Variants in NOP9 observed in about 807,000 individuals in gnomAD.
The protein encoded by NOP9 is nucleolar protein 9.
NOP9 carries 50 observed loss-of-function variants against 63.0 expected under a neutral mutation model. The ratio of observed to expected loss-of-function variants is 0.79; its 90% CI spans 0.63 to 1.00. The LOEUF (loss-of-function observed/expected upper bound fraction) is 1.00. Ranked by LOEUF, NOP9 falls within the 50% of genes least tolerant of loss-of-function variation. NOP9 has a pLI of 0.00. For synonymous variants in NOP9, 343 were observed against 332.8 expected, an observed-to-expected ratio of 1.03 and a Z score of -0.33; for missense variants, 758 against 803.0, an observed-to-expected ratio of 0.94 and a Z score of 0.68.
chr14:24,287,691 C>T, the NOP9 span, among the ~76,000 whole-genome samples: 1 of 152,092 alleles, frequency 6.6e-6, no homozygotes, highest in Admixed American at 6.5e-5. Flanking sequence ...AACAAACAAA[C>T]AAACAAAAAA....
At chr14:24,283,274 A>G in the NOP9 span, among the ~76,000 whole-genome samples, 4 of 152,190 alleles carry the variant, frequency 2.6e-5, no homozygotes, top group African/African-American at 9.7e-5. Context: ...GCAACTCAAA[A>G]GCATCAGGTC....
chr14:24,296,659 A>T, upstream of NOP9: 1 of 1,613,426 alleles, frequency 6.2e-7, no homozygotes, highest in Non-Finnish European at 8.5e-7. Context: ...AATGGAAGGG[A>T]CAATGAGTGG....
At chr14:24,276,018 G>A in the NOP9 span, among the ~76,000 whole-genome samples, 17 of 152,310 alleles carry the variant, frequency 1.1e-4, no homozygotes, top group South Asian at 4.1e-4. Flanking sequence ...CGCTTGAAAT[G>A]TGCCTAGTGC....
intron 5 of NOP9, 29 bp from the exon 6 acceptor site, chr14:24,303,045 C>T: frequency 6.7e-7 from 1 of 1,500,436 alleles, no homozygotes; most frequent in Non-Finnish European, 8.9e-7. Flanking sequence ...TACCAGAATG[C>T]CAGAGTTACA....
the NOP9 span, chr14:24,290,910 G>GGAA: frequency 6.2e-7 from 1 of 1,613,948 alleles, no homozygotes; most frequent in Non-Finnish European, 8.5e-7. Flanking sequence ...CACGGAGGAA[G>GGAA]GAGGGCAGGT....
chr14:24,277,568 G>C, the NOP9 span, among the ~76,000 whole-genome samples: 1 of 152,212 alleles, frequency 6.6e-6, no homozygotes, highest in Non-Finnish European at 1.5e-5. Context: ...CATAATTAAT[G>C]AGAAATTATA....
chr14:24,278,294 T>C, the NOP9 span, among the ~76,000 whole-genome samples: 3 of 152,338 alleles, frequency 2.0e-5, no homozygotes, highest in Non-Finnish European at 4.4e-5. Context: ...TCTTAGGATA[T>C]GTTGAGCAAC....
chr14:24,301,172 G>C (rs953631283), intron 2 of NOP9, among the ~76,000 whole-genome samples: 6 of 152,130 alleles, frequency 3.9e-5, no homozygotes, highest in Middle Eastern at 3.4e-3. Context: ...AAAAGTTCAG[G>C]AAACTATACC....
At chr14:24,292,720 C>T in the NOP9 span, 25 of 1,614,068 alleles carry the variant, frequency 1.5e-5, no homozygotes, top group Middle Eastern at 3.3e-4. Context: ...GAGATGACCA[C>T]GATGAGCCCC....
chr14:24,291,259 G>A, the NOP9 span: 2 of 1,599,816 alleles, frequency 1.3e-6, no homozygotes, highest in Non-Finnish European at 8.6e-7. Flanking sequence ...AGGCAGGGGA[G>A]TATGCAGAGT....
intron 6 of NOP9, 142 bp downstream of exon 6, chr14:24,303,356 C>A: frequency 2.0e-6 from 2 of 996,114 alleles, no homozygotes; most frequent in Non-Finnish European, 3.0e-6. Flanking sequence ...GAAAATGAGG[C>A]CTATAGGTGC....
At chr14:24,277,265 C>T in the NOP9 span, among the ~76,000 whole-genome samples, 1 of 152,146 alleles carries the variant, frequency 6.6e-6, no homozygotes, top group Non-Finnish European at 1.5e-5. Flanking sequence ...GGCTACTTCT[C>T]ACATGTTTGG....
chr14:24,294,919 G>A (rs1455496460), upstream of NOP9, among the ~76,000 whole-genome samples: 1 of 152,188 alleles, frequency 6.6e-6, no homozygotes, highest in Non-Finnish European at 1.5e-5. Flanking sequence ...GAGGACATGG[G>A]GAAACACATA....
chr14:24,307,772 C>G lies in NOP9; in HGVS notation c.*2677C>G. On this transcript the variant is annotated 3_prime_UTR_variant, in exon 10 of 10. Coordinates refer to ENST00000267425, the MANE Select transcript of NOP9 (RefSeq NM_174913.3). ...GCTGAGTGGAGTATTGTTGCCCTGC[C>G]TATATCCCCTAAAGGTGGAGGGTAG... The G allele has an allele frequency of 6.4e-7, 1 of 1,555,156 alleles. No individual in the cohort carries two copies. Among genetic ancestry groups the G allele is most frequent in the African/African-American group, 1.4e-5 (1 of 73,868 alleles).
upstream of NOP9, chr14:24,299,595 G>T: frequency 3.8e-6 from 1 of 265,358 alleles, no homozygotes; most frequent in Non-Finnish European, 7.2e-6. Flanking sequence ...CACCTGCGCT[G>T]CCGCTGAGGT....
At position 24,304,657 on chromosome 14, in the gene NOP9, A is replaced by G. The variant is rs1203097531; in HGVS notation, c.1753+59A>G. 4.6e-6 allele frequency: 6 copies of G among 1,318,484 alleles called. No individual in the cohort carries two copies. The African/African-American group carries it at 7.4e-5, about 16-fold the overall frequency. The allele number at this position is 1,318,484 out of a possible 1,614,324, so 81.7% of individuals were successfully genotyped here. ...ACTCTCCCCTCTCTTACTCCAGATC[A>G]CTGGGTAGCTGGGAAGTCTACTGAA... On this transcript the variant is annotated intron_variant, in intron 9 of 9. Transcript: ENST00000267425.
In NOP9 at chr14:24,308,126, CAT is replaced by C. The variant is rs1481401465; in HGVS notation, c.*3032_*3033del. ...CTTGTATGTGTGTCTTTGGTGATGA[CAT>C]GTGTTGTGAGGGTAGATGGGAACCA... On this transcript the variant is annotated 3_prime_UTR_variant, in exon 10 of 10. Coordinates refer to ENST00000267425, the MANE Select transcript of NOP9 (RefSeq NM_174913.3). 3.2e-5 allele frequency: 17 copies of C among 534,612 alleles called. No individual in the cohort carries two copies. Among genetic ancestry groups the C allele is most frequent in the South Asian group, 6.1e-5 (3 of 49,086 alleles). 33.1% of individuals were successfully genotyped at this position (534,612 alleles called of 1,614,324 possible). A position where few individuals can be genotyped will look rare whatever the true frequency, so the allele number is the denominator to read the frequency against.
At position 24,307,542 on chromosome 14, in the gene NOP9, A is replaced by C. The variant is rs369091366; in HGVS notation, c.*2447A>C. 2 of 1,605,550 alleles carry C rather than the reference A, an allele frequency of 1.2e-6. No individual in the cohort carries two copies. The highest frequency in any genetic ancestry group is 2.7e-5 in the African/African-American group (2 of 74,714). On this transcript the variant is annotated 3_prime_UTR_variant, in exon 10 of 10. Coordinates refer to ENST00000267425, the MANE Select transcript of NOP9 (RefSeq NM_174913.3). ...TGGTAGTTGAGAAGAAAAGTCAAGAAGGGGCGAGGAGGGGCTTGGTGAGTG... is the reference window on the plus strand; with the variant it reads ...TGGTAGTTGAGAAGAAAAGTCAAGACGGGGCGAGGAGGGGCTTGGTGAGTG...
chr14:24,296,517 G>A (rs34297859), upstream of NOP9: 114 of 1,614,050 alleles, frequency 7.1e-5, no homozygotes, highest in African/African-American at 2.1e-4. Flanking sequence ...ACCTGAGTCC[G>A]ACGTTGTTGA....
Sources: gnomAD v4.1 joint callset for allele counts (sites outside exome capture counted in the v4.1 genomes callset) on GRCh38, gnomAD v4.1.1 for gene constraint, MANE v1.5 for transcripts, NCBI Gene and HGNC (gene_info 2026-07-23, HGNC 2026-07-21) for gene names.